PCDHA1: variants seen among roughly 807,000 people sequenced by gnomAD.
PCDHA1 encodes the protein protocadherin alpha-1.
PCDHA1 carries 42 observed loss-of-function variants against 61.3 expected under a neutral mutation model. That is an observed-to-expected ratio of 0.69 (90% CI 0.54 to 0.89). The LOEUF (loss-of-function observed/expected upper bound fraction) is 0.89. Ranked by LOEUF, PCDHA1 falls within the 40% of genes least tolerant of loss-of-function variation. The pLI, the probability that PCDHA1 is intolerant of heterozygous loss-of-function variation, is 0.00. For synonymous variants in PCDHA1, 610 were observed against 553.8 expected, an observed-to-expected ratio of 1.10 and a Z score of -1.43; for missense variants, 1,256 against 1,235.3, an observed-to-expected ratio of 1.02 and a Z score of -0.25.
chr5:140,802,857 T>C (rs567006708), intron 1 of PCDHA1: 1 of 1,613,308 alleles, frequency 6.2e-7, no homozygotes, highest in South Asian at 1.1e-5. Context: ...GCTGCAGGTG[T>C]TCGTGCTGGA....
chr5:140,850,048 A>G (rs1554143688), intron 1 of PCDHA1: 1 of 1,596,376 alleles, frequency 6.3e-7, no homozygotes, highest in Admixed American at 1.7e-5. Flanking sequence ...GGCAAGGTGT[A>G]CGCGCTGCAG....
chr5:140,863,128 C>A, intron 1 of PCDHA1: 1 of 598,142 alleles, frequency 1.7e-6, no homozygotes, highest in South Asian at 1.4e-5. Flanking sequence ...TACGCGCCAC[C>A]GCCTGCTGGT....
intron 1 of PCDHA1, among the ~76,000 whole-genome samples, chr5:140,924,969 A>C (rs781957377): frequency 5.3e-5 from 8 of 151,756 alleles, no homozygotes. Flanking sequence ...AGGTGAGTGC[A>C]GTGGCTCATG....
At chr5:140,826,265 A>G (rs1356174007) in intron 1 of PCDHA1, among the ~76,000 whole-genome samples, 3 of 152,202 alleles carry the variant, frequency 2.0e-5, no homozygotes, top group Non-Finnish European at 4.4e-5. Context: ...TCAAGTCTTT[A>G]TGTATATTTT....
chr5:140,884,371 C>T, intron 1 of PCDHA1: 2 of 1,613,948 alleles, frequency 1.2e-6, no homozygotes, highest in Non-Finnish European at 1.7e-6. Flanking sequence ...TTTACTTGAT[C>T]ATTGCCATCT....
intron 1 of PCDHA1, chr5:140,803,939 C>A (rs1462764452): frequency 2.5e-6 from 1 of 397,924 alleles, no homozygotes; most frequent in Non-Finnish European, 4.5e-6. Flanking sequence ...TATCCCTATA[C>A]AATGCTTCTT....
chr5:140,980,749 G>A (rs1388943582), intron 2 of PCDHA1, among the ~76,000 whole-genome samples: 1 of 151,942 alleles, frequency 6.6e-6, no homozygotes, highest in Non-Finnish European at 1.5e-5. Flanking sequence ...TTTGAGTAGG[G>A]TAAGAAATAA....
intron 1 of PCDHA1, among the ~76,000 whole-genome samples, chr5:140,905,939 T>A (rs1583575409): frequency 6.6e-6 from 1 of 152,288 alleles, no homozygotes; most frequent in African/African-American, 2.4e-5. Context: ...GCTGAAGAAC[T>A]TGGAATCCGA....
intron 1 of PCDHA1, chr5:140,822,843 G>A: frequency 1.2e-6 from 2 of 1,614,190 alleles, no homozygotes; most frequent in South Asian, 2.2e-5. Context: ...CCCTTTTCCT[G>A]CCTGTCAAAG....
At chr5:140,998,940 A>G (rs2097841050) in intron 3 of PCDHA1, among the ~76,000 whole-genome samples, 1 of 152,222 alleles carries the variant, frequency 6.6e-6, no homozygotes, top group African/African-American at 2.4e-5. Context: ...AGATGAAGAA[A>G]CTGTAAGTCA....
At chr5:140,989,619 TC>T (rs2097351060) in intron 3 of PCDHA1, among the ~76,000 whole-genome samples, 1 of 152,196 alleles carries the variant, frequency 6.6e-6, no homozygotes. Flanking sequence ...TGAAAGTCTG[TC>T]CTAGTGACAG....
rs75040653 is a variant in PCDHA1 at position 140,982,339 on chromosome 5, T to G, written c.2454-136T>G. ...TGCAGGGTGACTGCTCAGCAGTAAT[T>G]GCTTCAGTTCAAGCATGAGCAGAAT... On this transcript the variant is annotated intron_variant, in intron 2 of 3. Transcript: ENST00000504120. The G allele has an allele frequency of 3.1e-3, 4,547 of 1,456,350 alleles. 58 individuals carry two copies. The East Asian group carries it at 0.042, about 14-fold the overall frequency. The allele number at this position is 1,456,350 out of a possible 1,614,324, so 90.2% of individuals were successfully genotyped here.
At chr5:140,877,178 C>A (rs370071106) in intron 1 of PCDHA1, 34 of 1,613,676 alleles carry the variant, frequency 2.1e-5, no homozygotes, top group Middle Eastern at 1.7e-4. Context: ...CTGGCGACTC[C>A]GGCTGGCAGC....
intron 1 of PCDHA1, chr5:140,803,345 G>A: frequency 1.2e-6 from 2 of 1,614,192 alleles, no homozygotes; most frequent in South Asian, 2.2e-5. Context: ...TCACACTGCT[G>A]CTATATACTG....
chr5:140,861,534 A>G lies in PCDHA1; in HGVS notation c.2394+72850A>G, dbSNP rs1004709017. ...GCTGTGTGGGAGGATCTCGGAGTGCAGCATCCACCTGGAAGTGATCGTGGA... is the reference window on the plus strand; with the variant it reads ...GCTGTGTGGGAGGATCTCGGAGTGCGGCATCCACCTGGAAGTGATCGTGGA... On this transcript the variant is annotated intron_variant, in intron 1 of 3. Coordinates refer to ENST00000504120, the MANE Select transcript of PCDHA1 (RefSeq NM_018900.4). The G allele has an allele frequency of 4.9e-5, 22 of 448,754 alleles. No individual in the cohort carries two copies. The Middle Eastern group carries it at 3.2e-3, about 66-fold the overall frequency. The allele number at this position is 448,754 out of a possible 1,614,324, so 27.8% of individuals were successfully genotyped here.
At position 140,787,328 on chromosome 5, in the gene PCDHA1, T is replaced by C; in HGVS notation, c.1038T>C (p.Asn346=). 1.2e-5 allele frequency: 19 copies of C among 1,614,192 alleles called. No homozygotes were observed. The highest frequency in any genetic ancestry group is 1.6e-5 in the Non-Finnish European group (19 of 1,180,010). ...VLVKVLDVND[N]APELAVTSLY... ...TGAAAGTGCTGGATGTAAATGATAA[T>C]GCTCCAGAACTGGCGGTCACTTCAT... The change falls in exon 1 of 4, where the codon AAT becomes AAC. Residue 346 remains asparagine, a synonymous_variant. Coordinates refer to ENST00000504120, the MANE Select transcript of PCDHA1 (RefSeq NM_018900.4).
chr5:140,806,260 G>A (rs1160952341), intron 1 of PCDHA1, among the ~76,000 whole-genome samples: 1 of 152,126 alleles, frequency 6.6e-6, no homozygotes, highest in Admixed American at 6.6e-5. Context: ...TTGGAAGCAG[G>A]AAATATTCAG....
At chr5:140,815,530 T>TACAC (rs2126665265) in intron 1 of PCDHA1, 1 of 102,342 alleles carries the variant, frequency 9.8e-6, no homozygotes, top group Non-Finnish European at 2.0e-5. Context: ...TTATATTGTG[T>TACAC]ATACATTATT....
At position 141,009,870 on chromosome 5, in the gene PCDHA1, A is replaced by G. The variant is rs1554262513; in HGVS notation, c.2786A>G (p.Lys929Arg). 1.9e-6 allele frequency: 3 copies of G among 1,614,114 alleles called. No homozygotes were observed. Among genetic ancestry groups the G allele is most frequent in the South Asian group, 2.2e-5 (2 of 91,074 alleles). ...GAGACCAAGAAAAAGAAGAAAAAGA[A>G]GAAGGGTAACAAGACCCAGGAGAAA... ...KEETKKKKKK[K>R]KGNKTQEKKE... The change falls in exon 4 of 4, where the codon AAG (lysine) becomes AGG (arginine). Residue 929 changes from lysine to arginine, a missense_variant. Physicochemically the swap from Lys to Arg is conservative, Grantham distance 26. Coordinates refer to ENST00000504120, the MANE Select transcript of PCDHA1 (RefSeq NM_018900.4).
Sources: gnomAD v4.1 joint callset for allele counts (sites outside exome capture counted in the v4.1 genomes callset) on GRCh38, gnomAD v4.1.1 for gene constraint, MANE v1.5 for transcripts, NCBI Gene and HGNC (gene_info 2026-07-23, HGNC 2026-07-21) for gene names.